Variants in ANO2 observed in about 807,000 individuals in gnomAD.
ANO2 encodes the protein anoctamin 2.
In ANO2, 101 loss-of-function variants were observed where a neutral mutation model predicts 124.2. The ratio of observed to expected loss-of-function variants is 0.81; its 90% CI spans 0.69 to 0.96. The LOEUF (loss-of-function observed/expected upper bound fraction) is 0.96. Ranked by LOEUF, ANO2 falls within the 40% of genes least tolerant of loss-of-function variation. The pLI is 0.00. For synonymous variants in ANO2, 486 were observed against 482.5 expected (o/e 1.01, Z -0.09); for missense variants, 1,293 against 1,274.5 (o/e 1.01, Z -0.22).
intron 20 of ANO2, among the ~76,000 whole-genome samples, chr12:5,591,475 T>C (rs1284560254): frequency 1.3e-5 from 2 of 152,200 alleles, no homozygotes; most frequent in Non-Finnish European, 2.9e-5. Context: ...TCCTGCAATG[T>C]GGGTTCAGTT....
intron 13 of ANO2, among the ~76,000 whole-genome samples, chr12:5,735,188 A>T (rs2137071014): frequency 6.6e-6 from 1 of 152,304 alleles, no homozygotes; most frequent in African/African-American, 2.4e-5. Context: ...AGCCACGGGC[A>T]GATCAGCCTG....
intron 14 of ANO2, among the ~76,000 whole-genome samples, chr12:5,731,645 G>A (rs1950640339): frequency 6.6e-6 from 1 of 151,512 alleles, no homozygotes; most frequent in African/African-American, 2.4e-5. Context: ...GTGGCACACA[G>A]AGACAGGTAT....
chr12:5,759,806 A>T (rs757940970), intron 10 of ANO2, among the ~76,000 whole-genome samples: 2 of 151,998 alleles, frequency 1.3e-5, no homozygotes, highest in Non-Finnish European at 2.9e-5. Context: ...TTAGAGTACT[A>T]TATATAAATT....
rs1941510366 is a variant in ANO2, at chr12:5,562,778, C to T, written c.*521G>A. 6.4e-6 allele frequency: 1 copy of T among 155,208 alleles called. No individual in the cohort carries two copies. Among genetic ancestry groups the T allele is most frequent in the Non-Finnish European group, 1.4e-5 (1 of 69,898 alleles). 9.6% of individuals were successfully genotyped at this position (155,208 alleles called of 1,614,324 possible). On this transcript the variant is annotated 3_prime_UTR_variant, in exon 25 of 25. Transcript: ENST00000682330. ...AGTGGAGACAAGCCCAGGTTTGGAC[C>T]TTTGCACCTTACTATCAGGTCCAGC...
At chr12:5,736,174 G>A (rs1250011487) in intron 13 of ANO2, among the ~76,000 whole-genome samples, 2 of 152,202 alleles carry the variant, frequency 1.3e-5, no homozygotes, top group African/African-American at 4.8e-5. Flanking sequence ...ACTGGCCCAG[G>A]GGGGTGGGCC....
At chr12:5,873,628 CT>C (rs1937884131) in intron 3 of ANO2, among the ~76,000 whole-genome samples, 1 of 152,248 alleles carries the variant, frequency 6.6e-6, no homozygotes, top group South Asian at 2.1e-4. Context: ...TCCTCTCTGG[CT>C]GCTCTTGCAG....
At chr12:5,759,779 GA>G (rs1231019868) in intron 10 of ANO2, among the ~76,000 whole-genome samples, 3 of 150,562 alleles carry the variant, frequency 2.0e-5, no homozygotes, top group South Asian at 2.1e-4. Flanking sequence ...AGTATGGAAA[GA>G]AAAAAAACTA....
intron 13 of ANO2, among the ~76,000 whole-genome samples, chr12:5,734,953 A>T (rs1486245797): frequency 6.6e-6 from 1 of 152,108 alleles, no homozygotes; most frequent in Non-Finnish European, 1.5e-5. Context: ...CCCGGCCATA[A>T]CCCTTAACTT....
chr12:5,709,268 T>C (rs1213266507), intron 14 of ANO2, among the ~76,000 whole-genome samples: 2 of 152,180 alleles, frequency 1.3e-5, no homozygotes. Flanking sequence ...GGTCCATAGC[T>C]GTCCAGAAGA....
At chr12:5,791,343 G>A (rs1276275474) in intron 10 of ANO2, among the ~76,000 whole-genome samples, 1 of 152,078 alleles carries the variant, frequency 6.6e-6, no homozygotes, top group Non-Finnish European at 1.5e-5. Flanking sequence ...CAAAAACATG[G>A]CATTCTGGGG....
rs74940791 is a variant in ANO2, at chr12:5,660,828, T to C, written c.1546-13027A>G. Reference sequence around the variant, plus strand: ...TTGGTGGTGCTCCATGCTCATAATATTGGGAATGAGTATTCAGTCGCTGTG... The same window carrying C: ...TTGGTGGTGCTCCATGCTCATAATACTGGGAATGAGTATTCAGTCGCTGTG... On this transcript the variant is annotated intron_variant, in intron 14 of 24. Coordinates refer to ENST00000682330, the MANE Select transcript of ANO2 (RefSeq NM_001364791.2). 2.4e-4 allele frequency among the ~76,000 whole-genome samples: 36 copies of C among 152,244 alleles called. No individual in the cohort carries two copies. The East Asian group carries it at 7.0e-3, about 29-fold the overall frequency.
intron 20 of ANO2, among the ~76,000 whole-genome samples, chr12:5,582,947 T>A (rs1265387327): frequency 6.6e-6 from 1 of 152,192 alleles, no homozygotes. Flanking sequence ...TGGGCATCTC[T>A]CATCCTCACT....
intron 14 of ANO2, among the ~76,000 whole-genome samples, chr12:5,720,896 C>T (rs1950207066): frequency 6.6e-6 from 1 of 152,212 alleles, no homozygotes; most frequent in African/African-American, 2.4e-5. Flanking sequence ...TTAGCCAGAA[C>T]TCCTGATGCT....
At chr12:5,943,773 A>G (rs2136329649) in intron 1 of ANO2, among the ~76,000 whole-genome samples, 1 of 152,368 alleles carries the variant, frequency 6.6e-6, no homozygotes, top group Non-Finnish European at 1.5e-5. Flanking sequence ...GCAACGTCAT[A>G]CATAGGGTGG....
intron 10 of ANO2, among the ~76,000 whole-genome samples, chr12:5,784,160 C>G (rs80171124): frequency 6.6e-6 from 1 of 151,892 alleles, no homozygotes; most frequent in Non-Finnish European, 1.5e-5. Flanking sequence ...CTATTCCCCC[C>G]TATCTGGAAT....
chr12:5,850,323 A>G (rs757351089), intron 4 of ANO2, among the ~76,000 whole-genome samples: 6 of 151,598 alleles, frequency 4.0e-5, no homozygotes, highest in Admixed American at 2.0e-4. Flanking sequence ...GGCTGAGGCA[A>G]GAGAATTGCT....
intron 10 of ANO2, among the ~76,000 whole-genome samples, chr12:5,793,430 T>C (rs963757780): frequency 4.6e-5 from 7 of 152,242 alleles, no homozygotes; most frequent in Non-Finnish European, 7.3e-5. Flanking sequence ...GGTTTGTTCC[T>C]AGAGGTTCTG....
chr12:5,917,271 T>C (rs1941435047), intron 3 of ANO2, among the ~76,000 whole-genome samples: 2 of 152,148 alleles, frequency 1.3e-5, no homozygotes, highest in South Asian at 4.2e-4. Flanking sequence ...GATAGTAGCA[T>C]TAAGGGTGGC....
At chr12:5,610,166 A>G (rs1409335459) in intron 19 of ANO2, among the ~76,000 whole-genome samples, 1 of 130,356 alleles carries the variant, frequency 7.7e-6, no homozygotes, top group African/African-American at 3.0e-5. Flanking sequence ...ACAAATTTAT[A>G]TTACTTATAT....
Sources: gnomAD v4.1 joint callset for allele counts (sites outside exome capture counted in the v4.1 genomes callset) on GRCh38, gnomAD v4.1.1 for gene constraint, MANE v1.5 for transcripts, NCBI Gene and HGNC (gene_info 2026-07-23, HGNC 2026-07-21) for gene names.